HIVEP3: variants seen among roughly 807,000 people sequenced by gnomAD.
HIVEP3 encodes the protein HIVEP zinc finger 3, also known as transcription factor HIVEP3.
Under a neutral mutation model 152.8 loss-of-function variants are expected in HIVEP3, and 49 were observed. The ratio of observed to expected loss-of-function variants is 0.32; its 90% CI spans 0.26 to 0.41. The LOEUF (loss-of-function observed/expected upper bound fraction) is 0.41. Ranked by LOEUF, HIVEP3 falls within the 10% of genes least tolerant of loss-of-function variation. The pLI is 1.00. For missense variants in HIVEP3, 2,790 were observed against 3,103.3 expected, an observed-to-expected ratio of 0.90 and a Z score of 2.40; for synonymous variants, 1,269 against 1,289.0, an observed-to-expected ratio of 0.98 and a Z score of 0.33.
chr1:41,762,904 G>A (rs1647786112), intron 1 of HIVEP3, among the ~76,000 whole-genome samples: 1 of 152,206 alleles, frequency 6.6e-6, no homozygotes, highest in African/African-American at 2.4e-5. Context: ...CTGAGCTAGG[G>A]GAATAGGTGG....
intron 2 of HIVEP3, among the ~76,000 whole-genome samples, chr1:41,630,728 C>A (rs1339096110): frequency 6.6e-6 from 1 of 152,178 alleles, no homozygotes; most frequent in Non-Finnish European, 1.5e-5. Context: ...CACCTTGATT[C>A]AGCCCTGAGC....
At chr1:41,641,897 C>T (rs1021617306) in intron 2 of HIVEP3, among the ~76,000 whole-genome samples, 1 of 152,232 alleles carries the variant, frequency 6.6e-6, no homozygotes, top group African/African-American at 2.4e-5. Context: ...TCCTCCACCT[C>T]CTAGCTATGC....
chr1:41,536,730 ACT>A (rs914287382), intron 5 of HIVEP3, among the ~76,000 whole-genome samples: 19 of 151,914 alleles, frequency 1.3e-4, no homozygotes, highest in African/African-American at 4.1e-4. Context: ...ATATTAGCAA[ACT>A]CTTACACTGG....
chr1:41,793,476 A>C (rs1035247742), intron 1 of HIVEP3, among the ~76,000 whole-genome samples: 1 of 152,216 alleles, frequency 6.6e-6, no homozygotes, highest in Admixed American at 6.5e-5. Context: ...TGGAGAGGCT[A>C]TTAGAACAGG....
At chr1:41,783,673 A>G (rs1649183587) in intron 1 of HIVEP3, among the ~76,000 whole-genome samples, 1 of 152,170 alleles carries the variant, frequency 6.6e-6, no homozygotes, top group Non-Finnish European at 1.5e-5. Flanking sequence ...CACCAGCTTT[A>G]TTTTATACAT....
chr1:41,580,805 C>A lies in HIVEP3; in HGVS notation c.3993G>T (p.Gly1331=). The A allele has an allele frequency of 6.3e-7, 1 of 1,578,594 alleles. No homozygotes were observed. The highest frequency in any genetic ancestry group is 8.6e-7 in the Non-Finnish European group (1 of 1,162,154). ...GGGAAAGGGTGGTGTACATTGCGCT[C>A]CCATAGGACGGCATATTGGTCTGAA... The part of the protein sequence containing the change: ...VRVQTNMPSY[G]SAMYTTLSQI... The change falls in exon 4 of 9, where the codon GGG becomes GGT. Residue 1331 remains glycine (G), a synonymous_variant. Coordinates refer to ENST00000372583, the MANE Select transcript of HIVEP3 (RefSeq NM_024503.5).
At position 41,581,883 on chromosome 1, in the gene HIVEP3, C is replaced by T. The variant is rs761296529; in HGVS notation, c.2915G>A (p.Gly972Asp). Residue 972 changes from glycine to aspartate, a missense_variant, in exon 4 of 9, where the codon GGC becomes GAC. By Grantham distance (94) the Gly-to-Asp change is moderately conservative. This residue lies in a region of HIVEP3 where 1,078 missense variants were observed against 1,165.3 expected (regional missense o/e 0.93). Coordinates refer to ENST00000372583, the MANE Select transcript of HIVEP3 (RefSeq NM_024503.5). The surrounding 1 kb of genome is among the most constrained non-coding windows in gnomAD (Gnocchi z 4.5). ...PSSDMRPKPL[G>D]THMLTVPSHH... Reference sequence around the variant, plus strand: ...GCTGGGGACAGTCAACATGTGGGTGCCCAGGGGTTTGGGGCGCATGTCAGA... The same window carrying T: ...GCTGGGGACAGTCAACATGTGGGTGTCCAGGGGTTTGGGGCGCATGTCAGA... 6.2e-7 allele frequency: 1 copy of T among 1,612,444 alleles called. No individual in the cohort carries two copies. The highest frequency in any genetic ancestry group is 8.5e-7 in the Non-Finnish European group (1 of 1,178,978).
At chr1:41,778,865 TG>T (rs1197846801) in intron 1 of HIVEP3, among the ~76,000 whole-genome samples, 3 of 152,136 alleles carry the variant, frequency 2.0e-5, no homozygotes, top group Non-Finnish European at 4.4e-5. Flanking sequence ...GGAAGATCTC[TG>T]GAAGAAGGAG....
chr1:41,978,182 A>G (rs916573664), intron 1 of HIVEP3, among the ~76,000 whole-genome samples: 3 of 152,180 alleles, frequency 2.0e-5, no homozygotes, highest in African/African-American at 7.2e-5. Context: ...CCTCTCAGGA[A>G]GGTCCTAAGG....
chr1:41,610,932 A>G (rs562351287), intron 3 of HIVEP3, among the ~76,000 whole-genome samples: 3 of 152,310 alleles, frequency 2.0e-5, no homozygotes, highest in South Asian at 2.1e-4. Flanking sequence ...CTCCCTGAAC[A>G]AGACGATGTT....
At chr1:41,638,098 A>G (rs749200) in intron 2 of HIVEP3, among the ~76,000 whole-genome samples, 73,511 of 152,054 alleles carry the variant, frequency 0.48, 18,311 homozygotes, top group East Asian at 0.8. Flanking sequence ...CACTTACTGC[A>G]TACAATGTAC....
intron 5 of HIVEP3, among the ~76,000 whole-genome samples, chr1:41,537,498 G>A (rs1643429266): frequency 3.3e-5 from 5 of 152,236 alleles, no homozygotes; most frequent in African/African-American, 1.2e-4. Flanking sequence ...TACCCTGGGA[G>A]GTCCAGCCAT....
chr1:41,948,783 AT>A (rs1645089118), intron 1 of HIVEP3, among the ~76,000 whole-genome samples: 1 of 146,232 alleles, frequency 6.8e-6, no homozygotes, highest in Non-Finnish European at 1.5e-5. Flanking sequence ...TTAGGCATTG[AT>A]AGCACCCATC....
chr1:41,736,813 C>T (rs560835671), intron 1 of HIVEP3, among the ~76,000 whole-genome samples: 2 of 152,290 alleles, frequency 1.3e-5, no homozygotes, highest in Admixed American at 6.5e-5. Context: ...CCATCATGAC[C>T]GGGGCAGGAT....
intron 5 of HIVEP3, among the ~76,000 whole-genome samples, chr1:41,551,875 A>G (rs1467582514): frequency 2.0e-5 from 3 of 152,098 alleles, no homozygotes; most frequent in African/African-American, 7.2e-5. Context: ...GTGTGTCTCT[A>G]TCTCTTTCAG....
intron 1 of HIVEP3, among the ~76,000 whole-genome samples, chr1:41,757,725 A>AT (rs1358116364): frequency 6.6e-6 from 1 of 151,284 alleles, no homozygotes; most frequent in Non-Finnish European, 1.5e-5. Context: ...TTATTTATTT[A>AT]TTTTTGAGAC....
chr1:41,959,270 C>T (rs922998637), intron 1 of HIVEP3, among the ~76,000 whole-genome samples: 5 of 152,194 alleles, frequency 3.3e-5, no homozygotes, highest in African/African-American at 1.2e-4. Flanking sequence ...TACTCCCACC[C>T]TGAAAAGGAC....
chr1:41,810,365 A>T (rs1650881406), intron 1 of HIVEP3, among the ~76,000 whole-genome samples: 1 of 152,328 alleles, frequency 6.6e-6, no homozygotes, highest in Admixed American at 6.5e-5. Flanking sequence ...TCCTAGCATC[A>T]GGGCCCACTA....
chr1:41,537,713 A>C (rs928356018), intron 5 of HIVEP3, among the ~76,000 whole-genome samples: 1 of 152,192 alleles, frequency 6.6e-6, no homozygotes, highest in African/African-American at 2.4e-5. Context: ...GTCATGGGGA[A>C]AGTTCACACT....
Sources: gnomAD v4.1 joint callset for allele counts (sites outside exome capture counted in the v4.1 genomes callset) on GRCh38, gnomAD v4.1.1 for gene constraint, gnomAD v4.1.1 regional missense constraint, Gnocchi (gnomAD v3.1) non-coding constraint, MANE v1.5 for transcripts, NCBI Gene and HGNC (gene_info 2026-07-23, HGNC 2026-07-21) for gene names.